The following PLXNA4 variants were observed in gnomAD, a reference collection of about 807,000 sequenced individuals.
PLXNA4 encodes plexin A4, also known as plexin-A4.
PLXNA4 carries 44 observed loss-of-function variants against 191.8 expected under a neutral mutation model. The ratio of observed to expected loss-of-function variants is 0.23; its 90% CI spans 0.18 to 0.29. PLXNA4 has a LOEUF of 0.29. Ranked by LOEUF, PLXNA4 falls within the 10% of genes least tolerant of loss-of-function variation. The pLI, the probability that PLXNA4 is intolerant of heterozygous loss-of-function variation, is 1.00. For missense variants in PLXNA4, 1,800 were observed against 2,488.8 expected (o/e 0.72, Z 5.89); for synonymous variants, 1,082 against 1,009.5 (o/e 1.07, Z -1.36).
upstream of PLXNA4, among the ~76,000 whole-genome samples, chr7:132,577,994 G>A (rs1802324827): frequency 6.6e-6 from 1 of 152,098 alleles, no homozygotes; most frequent in Non-Finnish European, 1.5e-5. Context: ...TATACTGAGC[G>A]GCTCTCCTGG....
intron 1 of PLXNA4, among the ~76,000 whole-genome samples, chr7:132,557,854 A>G (rs1262878592): frequency 6.6e-6 from 1 of 152,022 alleles, no homozygotes; most frequent in East Asian, 1.9e-4. Flanking sequence ...CTGTTTCAGG[A>G]TGTGTAATGC....
At position 132,384,745 on chromosome 7, in the gene PLXNA4, T is replaced by C. The variant is rs1031415373; in HGVS notation, c.1372-86523A>G. On this transcript the variant is annotated intron_variant, in intron 3 of 31. Coordinates refer to ENST00000321063, the MANE Select transcript of PLXNA4 (RefSeq NM_020911.2). ...ACACACCTTTAAACACAGATAAGCA[T>C]ACACACACACACACACACACACACA... The C allele has an allele frequency of 5.3e-5, 53 of 995,230 alleles. No individual in the cohort carries two copies. The African/African-American group carries it at 1.0e-3, about 19-fold the overall frequency. 61.6% of individuals were successfully genotyped at this position (995,230 alleles called of 1,614,324 possible). A position where few individuals can be genotyped will look rare whatever the true frequency, so the allele number is the denominator to read the frequency against.
At chr7:132,385,022 A>G (rs754529014) in intron 3 of PLXNA4, 44 of 1,432,504 alleles carry the variant, frequency 3.1e-5, no homozygotes, top group Non-Finnish European at 3.7e-5. Context: ...CTAAGCAGAG[A>G]CACATTCTCC....
intron 3 of PLXNA4, chr7:132,383,539 T>C: frequency 4.1e-6 from 4 of 977,338 alleles, no homozygotes; most frequent in Non-Finnish European, 4.9e-6. Flanking sequence ...TGTATCATGC[T>C]TTCTAATTGT....
At position 132,148,587 on chromosome 7, in the gene PLXNA4, T is replaced by C. The variant is rs1294200612; in HGVS notation, c.4720A>G (p.Ile1574Val). The C allele has an allele frequency of 5.0e-6, 8 of 1,614,170 alleles. No individual in the cohort carries two copies. The highest frequency in any genetic ancestry group is 5.9e-6 in the Non-Finnish European group (7 of 1,180,024). Reference sequence around the variant, plus strand: ...TTCAGTCGCTTCCAATCATTCTCAATCTTGGTGGTGATGTCTTCATCCTGC... The same window carrying C: ...TTCAGTCGCTTCCAATCATTCTCAACCTTGGTGGTGATGTCTTCATCCTGC... ...ILQDEDITTK[I>V]ENDWKRLNTL... Residue 1574 changes from isoleucine (I) to valine (V), a missense_variant, in exon 26 of 32, where the codon ATT (isoleucine) becomes GTT (valine). Ile to Val is a conservative substitution (Grantham distance 29). Around this residue, in one of 6 missense-constraint regions of PLXNA4, gnomAD observed 214 missense variants for 298.2 expected, o/e 0.72. Coordinates refer to ENST00000321063, the MANE Select transcript of PLXNA4 (RefSeq NM_020911.2).
In PLXNA4 at chr7:132,211,724, C is replaced by T. The variant is rs569529400; in HGVS notation, c.2098-581G>A. 6.6e-5 allele frequency among the ~76,000 whole-genome samples: 10 copies of T among 152,306 alleles called. No individual in the cohort carries two copies. The South Asian group carries it at 1.9e-3, about 28-fold the overall frequency. Reference sequence around the variant, plus strand: ...CTCATAAATCCAGAAAGCTTCTGACCAAGCTCTAGGATGTCCTGGCCCCAA... The same window carrying T: ...CTCATAAATCCAGAAAGCTTCTGACTAAGCTCTAGGATGTCCTGGCCCCAA... On this transcript the variant is annotated intron_variant, in intron 9 of 31. Coordinates refer to ENST00000321063, the MANE Select transcript of PLXNA4 (RefSeq NM_020911.2).
chr7:132,302,087 T>C (rs1278597523), intron 3 of PLXNA4, among the ~76,000 whole-genome samples: 1 of 151,972 alleles, frequency 6.6e-6, no homozygotes, highest in Non-Finnish European at 1.5e-5. Context: ...AAATAATGAG[T>C]CTCCATGGGA....
chr7:132,219,620 C>G (rs1191177326), intron 9 of PLXNA4, among the ~76,000 whole-genome samples: 1 of 152,120 alleles, frequency 6.6e-6, no homozygotes, highest in Non-Finnish European at 1.5e-5. Flanking sequence ...ACATAGGTGT[C>G]TGGGGGCTTC....
At chr7:132,489,754 C>T (rs1053169957) in intron 2 of PLXNA4, among the ~76,000 whole-genome samples, 2 of 152,238 alleles carry the variant, frequency 1.3e-5, no homozygotes, top group African/African-American at 4.8e-5. Context: ...CTCCCAGCGC[C>T]ATCTTGGGAG....
rs753430369 is a variant in PLXNA4, at chr7:132,165,235, G to A, written c.4287-35C>T. The A allele has an allele frequency of 1.1e-5, 18 of 1,602,282 alleles. No individual in the cohort carries two copies. In the East Asian group the frequency reaches 4.0e-4, roughly 36 times the overall value. On this transcript the variant is annotated intron_variant, in intron 22 of 31. Transcript: ENST00000321063. Reference sequence around the variant, plus strand: ...GTCACCGAGGGAACCAACGGAACAAGACAAAGAAAGAAGCAGCTGGTCAGA... The same window carrying A: ...GTCACCGAGGGAACCAACGGAACAAAACAAAGAAAGAAGCAGCTGGTCAGA...
At chr7:132,324,027 C>T (rs749128076) in intron 3 of PLXNA4, among the ~76,000 whole-genome samples, 6 of 152,144 alleles carry the variant, frequency 3.9e-5, no homozygotes, top group Middle Eastern at 3.4e-3. Context: ...CAGAGACAGG[C>T]GAACAATGGG....
intron 3 of PLXNA4, among the ~76,000 whole-genome samples, chr7:132,312,624 T>A (rs1189549788): frequency 6.6e-6 from 1 of 152,210 alleles, no homozygotes; most frequent in Non-Finnish European, 1.5e-5. Context: ...AAGAAATTAA[T>A]AATGCAGTGA....
intron 4 of PLXNA4, among the ~76,000 whole-genome samples, chr7:132,284,790 C>T (rs936303845): frequency 6.6e-6 from 1 of 152,130 alleles, no homozygotes; most frequent in Non-Finnish European, 1.5e-5. Flanking sequence ...CTTTTCTTTT[C>T]TGAAACCTCC....
At chr7:132,492,579 G>A (rs1390577752) in intron 2 of PLXNA4, among the ~76,000 whole-genome samples, 4 of 152,164 alleles carry the variant, frequency 2.6e-5, no homozygotes, top group Admixed American at 1.3e-4. Flanking sequence ...ACCAAGCACC[G>A]TCCAGGTCTT....
intron 3 of PLXNA4, among the ~76,000 whole-genome samples, chr7:132,404,486 G>A (rs1186924279): frequency 6.6e-6 from 1 of 152,142 alleles, no homozygotes; most frequent in African/African-American, 2.4e-5. Flanking sequence ...CCTCCCACTG[G>A]GTGGCAGAAC....
chr7:132,499,745 G>A (rs1010969319), intron 2 of PLXNA4, among the ~76,000 whole-genome samples: 40 of 152,304 alleles, frequency 2.6e-4, no homozygotes, highest in African/African-American at 8.4e-4. Flanking sequence ...CCACTCTCAC[G>A]GCAATGTATC....
intron 2 of PLXNA4, among the ~76,000 whole-genome samples, chr7:132,634,813 C>G (rs1803563797): frequency 6.6e-6 from 1 of 152,138 alleles, no homozygotes; most frequent in African/African-American, 2.4e-5. Flanking sequence ...CAAGTCTCAA[C>G]TTTGAAGGAT....
chr7:132,648,023 TCACA>T (rs565547142), intron 1 of PLXNA4, among the ~76,000 whole-genome samples: 5 of 150,866 alleles, frequency 3.3e-5, no homozygotes, highest in African/African-American at 7.3e-5. Context: ...ACACATATAC[TCACA>T]CACACACAGT....
intron 21 of PLXNA4, among the ~76,000 whole-genome samples, chr7:132,172,234 G>A (rs924073352): frequency 3.3e-5 from 5 of 152,238 alleles, no homozygotes; most frequent in Admixed American, 3.3e-4. Context: ...AAACTGGATA[G>A]TAAATTTTAA....
Sources: allele counts gnomAD v4.1 joint callset (sites outside exome capture counted in the v4.1 genomes callset), GRCh38; gene constraint gnomAD v4.1.1; regional missense constraint gnomAD v4.1.1; transcripts MANE v1.5; gene names NCBI Gene and HGNC (gene_info 2026-07-23, HGNC 2026-07-21).